MED12L: variants seen among roughly 807,000 people sequenced by gnomAD.
The protein encoded by MED12L is mediator of RNA polymerase II transcription subunit 12-like protein.
Under a neutral mutation model 281.3 loss-of-function variants are expected in MED12L, and 60 were observed. The ratio of observed to expected loss-of-function variants is 0.21; its 90% CI spans 0.17 to 0.26. The LOEUF (loss-of-function observed/expected upper bound fraction) is 0.26. Ranked by LOEUF, MED12L falls within the 10% of genes least tolerant of loss-of-function variation. The probability of loss-of-function intolerance (pLI) is 1.00; values close to 1 mark genes in which losing one functional copy is unlikely to be tolerated. For synonymous variants in MED12L, 974 were observed against 987.2 expected (o/e 0.99, Z 0.25); for missense variants, 2,146 against 2,680.9 (o/e 0.80, Z 4.41).
At position 151,137,920 on chromosome 3, in the gene MED12L, T is replaced by C. The variant is rs1036553058; in HGVS notation, c.556+9936T>C. Among the ~76,000 whole-genome samples, 3 of 152,182 alleles carry C rather than the reference T, an allele frequency of 2.0e-5. No individual in the cohort carries two copies. In the South Asian group the frequency reaches 6.2e-4, roughly 31 times the overall value. On this transcript the variant is annotated intron_variant, in intron 5 of 44. Coordinates refer to ENST00000687756, the MANE Select transcript of MED12L (RefSeq NM_001393769.1). The stretch of plus-strand genomic sequence containing the variant: ...GGTTTGATTTTTTTCCCTTATGAAC[T>C]AATTTTATATTTTGAATATGTAATA...
intron 12 of MED12L, among the ~76,000 whole-genome samples, chr3:151,185,691 G>A (rs1723175171): frequency 6.6e-6 from 1 of 151,976 alleles, no homozygotes; most frequent in Non-Finnish European, 1.5e-5. Flanking sequence ...TAAAACTTTA[G>A]GCTGGGCACA....
chr3:151,204,368 T>C (rs1726073610), intron 16 of MED12L, among the ~76,000 whole-genome samples: 1 of 152,144 alleles, frequency 6.6e-6, no homozygotes, highest in Non-Finnish European at 1.5e-5. Context: ...AAGGAGACTT[T>C]TGAAAAAAAT....
intron 39 of MED12L, among the ~76,000 whole-genome samples, chr3:151,408,931 G>A (rs1716646357): frequency 6.6e-6 from 1 of 152,128 alleles, no homozygotes; most frequent in Non-Finnish European, 1.5e-5. Flanking sequence ...ACACTTAGTG[G>A]GACATTTATA....
chr3:151,328,279 A>C (rs751666234), intron 16 of MED12L: 1 of 1,614,042 alleles, frequency 6.2e-7, no homozygotes, highest in South Asian at 1.1e-5. Context: ...CAGCCACGAC[A>C]ACAAATACTT....
chr3:151,163,897 T>C lies in MED12L; in HGVS notation c.1112T>C (p.Val371Ala). Reference protein sequence around the residue: ...VYGLSCMLQTVTLCCPSALVW... With the variant: ...VYGLSCMLQTATLCCPSALVW... Reference sequence around the variant, plus strand: ...CTTTATCTGTTTCATTTCCAGACTGTCACTCTCTGTTGCCCAAGTGCCTTG... The same window carrying C: ...CTTTATCTGTTTCATTTCCAGACTGCCACTCTCTGTTGCCCAAGTGCCTTG... Residue 371 changes from valine to alanine, a missense_variant, in exon 9 of 45, where the codon GTC (valine) becomes GCC (alanine). Around this residue, in one of 9 missense-constraint regions of MED12L, gnomAD observed 722 missense variants for 861.2 expected, o/e 0.84. Coordinates refer to ENST00000687756, the MANE Select transcript of MED12L (RefSeq NM_001393769.1). The C allele has an allele frequency of 6.2e-7, 1 of 1,612,384 alleles. No homozygotes were observed.
At chr3:151,265,395 C>T (rs1293800013) in intron 16 of MED12L, among the ~76,000 whole-genome samples, 4 of 152,172 alleles carry the variant, frequency 2.6e-5, no homozygotes, top group African/African-American at 4.8e-5. Flanking sequence ...GCAGAAGTTT[C>T]ACAGACTGAT....
chr3:151,294,858 C>A lies in MED12L; in HGVS notation c.2251-55201C>A. The stretch of plus-strand genomic sequence containing the variant: ...TCAATGCTTATCAGCCCAAGGAACA[C>A]GATGGAAGTATACATGTTTGCATAA... On this transcript the variant is annotated intron_variant, in intron 16 of 44. Transcript: ENST00000687756. 1.2e-6 allele frequency: 2 copies of A among 1,613,906 alleles called. No individual in the cohort carries two copies. The highest frequency in any genetic ancestry group is 1.7e-6 in the Non-Finnish European group (2 of 1,179,958).
chr3:151,394,619 G>T, intron 38 of MED12L, 37 bp from the exon 39 acceptor site: 3 of 1,610,306 alleles, frequency 1.9e-6, no homozygotes, highest in Non-Finnish European at 1.7e-6. Context: ...TTGCATTAAC[G>T]TAGTTAGAAA....
intron 16 of MED12L, among the ~76,000 whole-genome samples, chr3:151,299,780 T>G (rs1745656002): frequency 6.6e-6 from 1 of 152,116 alleles, no homozygotes; most frequent in Non-Finnish European, 1.5e-5. Context: ...GTAATTTTAG[T>G]TTGTGTTTAA....
chr3:151,087,330 C>T (rs562804923), intron 2 of MED12L, among the ~76,000 whole-genome samples: 1 of 152,366 alleles, frequency 6.6e-6, no homozygotes, highest in East Asian at 1.9e-4. Context: ...TGCTCGCTCT[C>T]ACCCGTTTCT....
chr3:151,414,756 C>T (rs17204536), intron 42 of MED12L, among the ~76,000 whole-genome samples: 42,415 of 151,906 alleles, frequency 0.28, 7,282 homozygotes, highest in Non-Finnish European at 0.38. Flanking sequence ...ATGTGGTAAC[C>T]GATTAGGAGA....
chr3:151,097,111 C>CTG (rs1037446157), intron 2 of MED12L, among the ~76,000 whole-genome samples: 3 of 152,190 alleles, frequency 2.0e-5, no homozygotes, highest in African/African-American at 7.2e-5. Flanking sequence ...CATTTGTGGA[C>CTG]TGTGTGTGTG....
intron 36 of MED12L, among the ~76,000 whole-genome samples, chr3:151,386,589 T>TTC (rs1204819533): frequency 1.3e-5 from 2 of 150,138 alleles, no homozygotes; most frequent in Non-Finnish European, 3.0e-5. Context: ...TTTTTTTTTT[T>TTC]TTTTCAAGAC....
intron 36 of MED12L, among the ~76,000 whole-genome samples, chr3:151,385,741 C>T (rs1292066002): frequency 1.3e-5 from 2 of 150,990 alleles, no homozygotes; most frequent in East Asian, 1.9e-4. Context: ...AAAAAACCTT[C>T]CTGTAGTAAG....
At chr3:151,184,720 C>G (rs558078038) in intron 11 of MED12L, among the ~76,000 whole-genome samples, 1 of 152,308 alleles carries the variant, frequency 6.6e-6, no homozygotes, top group African/African-American at 2.4e-5. Context: ...GACCCGGCTG[C>G]TGTCCTTGGT....
chr3:151,233,714 CAA>C (rs1309047646), intron 16 of MED12L, among the ~76,000 whole-genome samples: 1 of 152,216 alleles, frequency 6.6e-6, no homozygotes, highest in Non-Finnish European at 1.5e-5. Context: ...ACCTGGGCAA[CAA>C]GAGTGAAACT....
chr3:151,140,770 C>T (rs1442496314), intron 5 of MED12L, among the ~76,000 whole-genome samples: 3 of 152,152 alleles, frequency 2.0e-5, no homozygotes, highest in Admixed American at 1.3e-4. Flanking sequence ...ACCTCTGCCT[C>T]CCGGGTTCAA....
chr3:151,119,618 A>T (rs1713427275), intron 3 of MED12L, among the ~76,000 whole-genome samples: 1 of 152,200 alleles, frequency 6.6e-6, no homozygotes, highest in Admixed American at 6.5e-5. Context: ...TTGAGGATGC[A>T]ATTTAGTCTC....
At chr3:151,334,888 C>T (rs537817554) in intron 16 of MED12L, among the ~76,000 whole-genome samples, 2 of 152,132 alleles carry the variant, frequency 1.3e-5, no homozygotes, top group Non-Finnish European at 2.9e-5. Context: ...TCAGCTCTGT[C>T]GTAGCATGAA....
Sources: allele counts gnomAD v4.1 joint callset (sites outside exome capture counted in the v4.1 genomes callset), GRCh38; gene constraint gnomAD v4.1.1; regional missense constraint gnomAD v4.1.1; transcripts MANE v1.5; gene names NCBI Gene and HGNC (gene_info 2026-07-23, HGNC 2026-07-21).